The following CFAP43 variants were observed in gnomAD, a reference collection of about 807,000 sequenced individuals.
CFAP43 encodes the protein cilia- and flagella-associated protein 43.
A neutral mutation model predicts 218.9 loss-of-function variants in CFAP43; 155 were observed. The observed-to-expected ratio is 0.71, with a 90% CI of 0.62 to 0.81. CFAP43 has a LOEUF of 0.81. Among genes scored for constraint, CFAP43 ranks in the 30% least tolerant of loss-of-function variants. The pLI, the probability that CFAP43 is intolerant of heterozygous loss-of-function variation, is 0.00. For missense variants in CFAP43, 1,778 were observed against 1,954.3 expected, an observed-to-expected ratio of 0.91 and a Z score of 1.70; for synonymous variants, 645 against 681.3, an observed-to-expected ratio of 0.95 and a Z score of 0.83.
chr10:104,201,977 G>A (rs1436011596), intron 8 of CFAP43, among the ~76,000 whole-genome samples: 1 of 152,022 alleles, frequency 6.6e-6, no homozygotes, highest in South Asian at 2.1e-4. Context: ...TACATCAGGG[G>A]TCATCAAACT....
intron 27 of CFAP43, among the ~76,000 whole-genome samples, chr10:104,153,802 C>G (rs1383131978): frequency 6.6e-6 from 1 of 151,334 alleles, no homozygotes; most frequent in Non-Finnish European, 1.5e-5. Context: ...TCTCCCACCC[C>G]CTGCCCCTCT....
chr10:104,198,099 T>C (rs1350987413), intron 8 of CFAP43, 61 bp from the exon 9 acceptor site: 1 of 1,001,880 alleles, frequency 1.0e-6, no homozygotes, highest in Non-Finnish European at 1.5e-6. Context: ...GTTCAACAAA[T>C]ATTTATTAAA....
At position 104,130,153 on chromosome 10, in the gene CFAP43, G is replaced by C. The variant is rs1470724671; in HGVS notation, c.4984C>G (p.Leu1662Val). 2 of 1,592,526 alleles carry C rather than the reference G, an allele frequency of 1.3e-6. No homozygotes were observed. The highest frequency in any genetic ancestry group is 2.3e-5 in the South Asian group (2 of 86,004). The part of the protein sequence containing the change: ...ERLRMKTFPA[L>V]VQM ...TGCCAGCGTTTTTACATTTGAACAA[G>C]AGCAGGAAATGTTTTCATTCTTAAT... The change falls in exon 38 of 38, where the codon CTT becomes GTT. Residue 1662 changes from leucine to valine, a missense_variant. Leu to Val is a conservative substitution (Grantham distance 32). This residue lies in a region of CFAP43 where 211 missense variants were observed against 230.6 expected (regional missense o/e 0.91). Transcript: ENST00000357060.
chr10:104,216,858 T>A (rs530844079), intron 3 of CFAP43, among the ~76,000 whole-genome samples: 1 of 152,268 alleles, frequency 6.6e-6, no homozygotes, highest in African/African-American at 2.4e-5. Context: ...TGCCTCAGCC[T>A]CTGCTTTCCA....
rs764467342 is a variant in CFAP43 at position 104,185,158 on chromosome 10, A to C, written c.2011-12T>G. On this transcript the variant is annotated splice_polypyrimidine_tract_variant and intron_variant, in intron 15 of 37. Coordinates refer to ENST00000357060, the MANE Select transcript of CFAP43 (RefSeq NM_025145.7). ...CAAGCAAATGTTTCCTCAATAGTTA[A>C]GAAATAAACCAGAAAAATTACAAAT... 1.9e-6 allele frequency: 3 copies of C among 1,613,436 alleles called. No homozygotes were observed. The highest frequency in any genetic ancestry group is 2.5e-6 in the Non-Finnish European group (3 of 1,179,834).
Position 104,196,951 on chromosome 10 carries a change from CA to C in CFAP43, c.1213-19del, listed in dbSNP as rs777775139. On this transcript the variant is annotated intron_variant, in intron 9 of 37. Transcript: ENST00000357060. The stretch of plus-strand genomic sequence containing the variant: ...GTAAGTGTCTGTAAAAAAAGAAAAA[CA>C]AAAACTCTACATGGAAAATAAGACT... The C allele has an allele frequency of 6.3e-7, 1 of 1,596,304 alleles. No homozygotes were observed. The highest frequency in any genetic ancestry group is 1.7e-5 in the Admixed American group (1 of 57,620).
chr10:104,161,208 G>T lies in CFAP43; in HGVS notation c.3415-46C>A, dbSNP rs537014921. 2.6e-5 allele frequency: 42 copies of T among 1,585,280 alleles called. No homozygotes were observed. In the South Asian group the frequency reaches 4.6e-4, roughly 17 times the overall value. On this transcript the variant is annotated intron_variant, in intron 26 of 37. Coordinates refer to ENST00000357060, the MANE Select transcript of CFAP43 (RefSeq NM_025145.7). ...ATATATTTCAGCTCAAACGTTAAAT[G>T]CAGTAGTACAGTAAAAGCTCAGAGT...
At chr10:104,192,386 T>G (rs1443116476) in intron 11 of CFAP43, 84 bp from the exon 12 acceptor site, 11 of 1,021,210 alleles carry the variant, frequency 1.1e-5, no homozygotes, top group African/African-American at 1.6e-5. Flanking sequence ...GCCACAGAGA[T>G]ATGTTCAAAG....
At chr10:104,200,900 A>C (rs918432959) in intron 8 of CFAP43, among the ~76,000 whole-genome samples, 4 of 152,174 alleles carry the variant, frequency 2.6e-5, no homozygotes, top group African/African-American at 9.7e-5. Flanking sequence ...ATTGGAGTCC[A>C]CGTCATGAAG....
rs770363520 is a variant in CFAP43 at position 104,182,374 on chromosome 10, C to T, written c.2281G>A (p.Glu761Lys). ...TCATATAGGAACTCAACTGTGTGTTCAGAATCGGATCCCAAATCTACGGAA... is the reference window on the plus strand; with the variant it reads ...TCATATAGGAACTCAACTGTGTGTTTAGAATCGGATCCCAAATCTACGGAA... The part of the protein sequence containing the change: ...KVSVDLGSDS[E>K]HTKQKASTDL... Residue 761 changes from glutamate (E) to lysine (K), a missense_variant, in exon 17 of 38, where the codon GAA (glutamate) becomes AAA (lysine). By Grantham distance (56) the Glu-to-Lys change is moderately conservative. Transcript: ENST00000357060. 6.2e-7 allele frequency: 1 copy of T among 1,603,392 alleles called. No individual in the cohort carries two copies. Among genetic ancestry groups the T allele is most frequent in the Non-Finnish European group, 8.5e-7 (1 of 1,176,712 alleles).
intron 27 of CFAP43, among the ~76,000 whole-genome samples, chr10:104,158,885 C>T (rs1398432151): frequency 6.6e-6 from 1 of 151,860 alleles, no homozygotes; most frequent in African/African-American, 2.4e-5. Context: ...AACTGATGTG[C>T]ACAGGTATAC....
chr10:104,220,716 G>A (rs1266963875), intron 3 of CFAP43, among the ~76,000 whole-genome samples: 2 of 152,144 alleles, frequency 1.3e-5, no homozygotes, highest in Non-Finnish European at 2.9e-5. Context: ...TGACACTCCT[G>A]GGGAATGTAA....
rs372205974 is a variant in CFAP43, at chr10:104,213,544, AT to A, written c.584+714del. Among the ~76,000 whole-genome samples, 1,322 of 146,124 alleles carry A rather than the reference AT, an allele frequency of 9.0e-3. 17 individuals carry two copies. The highest frequency in any genetic ancestry group is 0.021 in the African/African-American group (863 of 40,286). On this transcript the variant is annotated intron_variant, in intron 4 of 37. Coordinates refer to ENST00000357060, the MANE Select transcript of CFAP43 (RefSeq NM_025145.7). ...ATGTGTCTGAATGTATAATCTGCAT[AT>A]TTTTTTTTTTAGATGGAATCTTGCT...
chr10:104,218,885 C>T (rs1308174840), intron 3 of CFAP43: 10 of 500,996 alleles, frequency 2.0e-5, no homozygotes, highest in Non-Finnish European at 1.2e-5. Context: ...AGCCGAGCAG[C>T]ATGACAGCGG....
intron 24 of CFAP43, 46 bp from the exon 25 acceptor site, chr10:104,162,449 A>G: frequency 6.5e-7 from 1 of 1,540,138 alleles, no homozygotes; most frequent in Non-Finnish European, 9.0e-7. Flanking sequence ...TACAAAATTC[A>G]AACTAAACTT....
At chr10:104,195,341 C>T (rs116854944) in intron 10 of CFAP43, among the ~76,000 whole-genome samples, 190 of 152,278 alleles carry the variant, frequency 1.2e-3, no homozygotes, top group Non-Finnish European at 1.7e-3. Context: ...GGTTGTTAAA[C>T]GTTTCTGTGT....
At chr10:104,137,819 C>G (rs1465523219) in intron 34 of CFAP43, among the ~76,000 whole-genome samples, 2 of 151,938 alleles carry the variant, frequency 1.3e-5, no homozygotes, top group Non-Finnish European at 2.9e-5. Flanking sequence ...AAAAACAAAA[C>G]AAAACAAAAA....
At chr10:104,142,431 G>A (rs1268490533) in intron 32 of CFAP43, 38 bp from the exon 33 acceptor site, 1 of 1,530,234 alleles carries the variant, frequency 6.5e-7, no homozygotes, top group Admixed American at 1.8e-5. Flanking sequence ...AGAACATATG[G>A]AGCTTCAATT....
rs368206841 is a variant in CFAP43 at position 104,142,295 on chromosome 10, G to A, written c.4257C>T (p.Phe1419=). 84 of 1,612,614 alleles carry A rather than the reference G, an allele frequency of 5.2e-5. No individual in the cohort carries two copies. Among genetic ancestry groups the A allele is most frequent in the Middle Eastern group, 3.3e-4 (2 of 6,078 alleles). ...EKVQQEIERV[F]HELILLQEEK... ...CTTCAAATTACAGGATGAGTTCATG[G>A]AACACTCTCTCAATCTCCTGTTGCA... The change falls in exon 33 of 38, where the codon TTC becomes TTT. Residue 1419 remains phenylalanine, a synonymous_variant. Coordinates refer to ENST00000357060, the MANE Select transcript of CFAP43 (RefSeq NM_025145.7).
Sources: allele counts gnomAD v4.1 joint callset (sites outside exome capture counted in the v4.1 genomes callset), GRCh38; gene constraint gnomAD v4.1.1; regional missense constraint gnomAD v4.1.1; transcripts MANE v1.5; gene names NCBI Gene and HGNC (gene_info 2026-07-23, HGNC 2026-07-21).